The following FAM193A variants were observed in gnomAD, a reference collection of about 807,000 sequenced individuals.
FAM193A encodes the protein family with sequence similarity 193 member A.
Under a neutral mutation model 126.5 loss-of-function variants are expected in FAM193A, and 22 were observed. That is an observed-to-expected ratio of 0.17 (90% CI 0.12 to 0.25). FAM193A has a LOEUF of 0.25. Among genes scored for constraint, FAM193A ranks in the 10% least tolerant of loss-of-function variants. The pLI is 1.00. For synonymous variants in FAM193A, 761 were observed against 646.8 expected (o/e 1.18, Z -2.68); for missense variants, 1,675 against 1,672.8 (o/e 1.00, Z -0.02).
At position 2,693,834 on chromosome 4, in the gene FAM193A, G is replaced by C; in HGVS notation, c.3052G>C (p.Ala1018Pro). 6.2e-7 allele frequency: 1 copy of C among 1,614,186 alleles called. No homozygotes were observed. Among genetic ancestry groups the C allele is most frequent in the Non-Finnish European group, 8.5e-7 (1 of 1,180,016 alleles). ...KSFCPAPLPPATDGSISAPPS... is the reference protein window; with the variant it reads ...KSFCPAPLPPPTDGSISAPPS... The stretch of plus-strand genomic sequence containing the variant: ...TTTCTGTCCTGCACCCCTACCCCCG[G>C]CCACAGATGGCTCCATTAGCGCCCC... The change falls in exon 16 of 21, where the codon GCC (alanine) becomes CCC (proline). Residue 1018 changes from alanine to proline, a missense_variant. Physicochemically the swap from Ala to Pro is conservative, Grantham distance 27. Transcript: ENST00000637812.
chr4:2,683,766 T>C (rs186143801), intron 13 of FAM193A, among the ~76,000 whole-genome samples: 85 of 152,372 alleles, frequency 5.6e-4, no homozygotes, highest in African/African-American at 1.9e-3. Flanking sequence ...TAGTCTCTCC[T>C]TCCAGCATTC....
At chr4:2,669,144 G>A (rs1301742467) in intron 12 of FAM193A, among the ~76,000 whole-genome samples, 1 of 152,096 alleles carries the variant, frequency 6.6e-6, no homozygotes, top group African/African-American at 2.4e-5. Context: ...CGCCTGGCCT[G>A]TATTTATACA....
chr4:2,560,177 A>G (rs150562502), intron 1 of FAM193A, among the ~76,000 whole-genome samples: 4,324 of 152,176 alleles, frequency 0.028, 226 homozygotes, highest in African/African-American at 0.098. Flanking sequence ...TCCCGACCTC[A>G]GGTGATCCAC....
intron 20 of FAM193A, among the ~76,000 whole-genome samples, chr4:2,731,041 C>A (rs190358593): frequency 2.6e-5 from 4 of 151,548 alleles, no homozygotes; most frequent in African/African-American, 7.3e-5. Flanking sequence ...ACTAAAAATA[C>A]AAAAATCAGC....
At chr4:2,535,484 G>C (rs889109795), upstream of FAM193A, among the ~76,000 whole-genome samples, 1 of 152,190 alleles carries the variant, frequency 6.6e-6, no homozygotes, top group African/African-American at 2.4e-5. Context: ...GACACCACCG[G>C]TGGAACCAAA....
chr4:2,600,834 G>A (rs1379871223), intron 2 of FAM193A, among the ~76,000 whole-genome samples: 2 of 152,226 alleles, frequency 1.3e-5, no homozygotes, highest in Non-Finnish European at 2.9e-5. Context: ...ATTCATGAAT[G>A]ACCCGCCTTT....
intron 5 of FAM193A, among the ~76,000 whole-genome samples, chr4:2,633,678 G>A (rs912736622): frequency 3.3e-5 from 5 of 151,716 alleles, no homozygotes; most frequent in Admixed American, 2.0e-4. Context: ...GATCACCTGA[G>A]GTCAGGAGTT....
intron 4 of FAM193A, among the ~76,000 whole-genome samples, chr4:2,630,549 G>A (rs545864249): frequency 6.6e-6 from 1 of 152,256 alleles, no homozygotes; most frequent in East Asian, 1.9e-4. Context: ...TGTTGTCTGG[G>A]GCCAGCTGCT....
chr4:2,706,008 C>G (rs990089031), intron 19 of FAM193A, among the ~76,000 whole-genome samples: 1 of 152,080 alleles, frequency 6.6e-6, no homozygotes, highest in Non-Finnish European at 1.5e-5. Context: ...GAGTTTGAGA[C>G]TAGCCTGGGC....
intron 1 of FAM193A, among the ~76,000 whole-genome samples, chr4:2,586,025 C>G (rs1740214047): frequency 6.6e-6 from 1 of 152,092 alleles, no homozygotes; most frequent in South Asian, 2.1e-4. Flanking sequence ...TGGTGGATCA[C>G]TTGAGGTTGG....
At chr4:2,642,175 G>T (rs142756070) in intron 6 of FAM193A, among the ~76,000 whole-genome samples, 1 of 150,810 alleles carries the variant, frequency 6.6e-6, no homozygotes, top group East Asian at 2.0e-4. Flanking sequence ...ATGGTGGCGG[G>T]CACCTGAAGT....
At chr4:2,590,492 AAAACAAAAAAAAACAAAAAAAAAAC>A (rs1560464591) in intron 1 of FAM193A, among the ~76,000 whole-genome samples, 5,855 of 94,414 alleles carry the variant, frequency 0.062, 841 homozygotes, top group African/African-American at 0.18. Context: ...AAAACAAAAA[AAAACAAAAAAAAACAAAAAAAAAAC>A]AAAACAAAAT....
chr4:2,584,721 T>C (rs1740137362), intron 1 of FAM193A, among the ~76,000 whole-genome samples: 1 of 151,954 alleles, frequency 6.6e-6, no homozygotes, highest in Non-Finnish European at 1.5e-5. Flanking sequence ...GGTCAAGAAA[T>C]CGAGACCATC....
chr4:2,692,259 G>A (rs1214986332), intron 15 of FAM193A, among the ~76,000 whole-genome samples: 1 of 152,184 alleles, frequency 6.6e-6, no homozygotes, highest in Non-Finnish European at 1.5e-5. Flanking sequence ...AGTACACGGC[G>A]AAGGGGGAAG....
chr4:2,693,520 G>A, intron 15 of FAM193A, 66 bp from the exon 16 acceptor site: 1 of 1,489,594 alleles, frequency 6.7e-7, no homozygotes, highest in Non-Finnish European at 9.2e-7. Flanking sequence ...TGTTCTTTCA[G>A]ATTTTCTACA....
intron 2 of FAM193A, among the ~76,000 whole-genome samples, chr4:2,624,359 G>A (rs776346124): frequency 2.0e-5 from 3 of 152,198 alleles, no homozygotes; most frequent in Non-Finnish European, 4.4e-5. Flanking sequence ...GGTCAGGCTG[G>A]TCTTGAACTC....
chr4:2,654,880 C>G (rs923516058), intron 7 of FAM193A: 1 of 439,934 alleles, frequency 2.3e-6, no homozygotes, highest in Admixed American at 3.8e-5. Context: ...ATGCTGGAAA[C>G]TGGGAAAATG....
At chr4:2,683,298 TG>T (rs1253987844) in intron 13 of FAM193A, among the ~76,000 whole-genome samples, 4 of 151,618 alleles carry the variant, frequency 2.6e-5, no homozygotes, top group African/African-American at 7.3e-5. Flanking sequence ...TTTTTTTTTT[TG>T]TTTTTTGTTT....
At chr4:2,603,587 G>C (rs1471855362) in intron 2 of FAM193A, among the ~76,000 whole-genome samples, 1 of 149,894 alleles carries the variant, frequency 6.7e-6, no homozygotes, top group Non-Finnish European at 1.5e-5. Flanking sequence ...CTCCCAAGTA[G>C]CTGGGACTAC....
Sources: allele counts gnomAD v4.1 joint callset (sites outside exome capture counted in the v4.1 genomes callset), GRCh38; gene constraint gnomAD v4.1.1; transcripts MANE v1.5; gene names NCBI Gene and HGNC (gene_info 2026-07-23, HGNC 2026-07-21).